DHPS: variants seen among roughly 807,000 people sequenced by gnomAD.
DHPS encodes migration-inducing gene 13.
In DHPS, 24 loss-of-function variants were observed where a neutral mutation model predicts 38.7. The ratio of observed to expected loss-of-function variants is 0.62; its 90% CI spans 0.45 to 0.87. The LOEUF is 0.87. DHPS is among the 40% of genes least tolerant of loss of function. DHPS has a pLI of 0.00. For missense variants in DHPS, 510 were observed against 497.6 expected, an observed-to-expected ratio of 1.02 and a Z score of -0.24; for synonymous variants, 250 against 204.4, an observed-to-expected ratio of 1.22 and a Z score of -1.90.
chr19:12,676,282 G>A, intron 7 of DHPS, 140 bp from the exon 8 acceptor site: 1 of 1,101,256 alleles, frequency 9.1e-7, no homozygotes, highest in South Asian at 1.7e-5. Context: ...TCCCAGACAG[G>A]GCCCATGTCA....
chr19:12,675,481 A>C, downstream of DHPS: 2 of 1,590,232 alleles, frequency 1.3e-6, no homozygotes, highest in Admixed American at 3.4e-5. Flanking sequence ...ACCAGGGTAC[A>C]GCCCAGCCAC....
Position 12,679,365 on chromosome 19 carries a change from A to AATAACAGT in DHPS, c.678+84_678+91dup, listed in dbSNP as rs985374421. 2.5e-6 allele frequency: 3 copies of AATAACAGT among 1,212,240 alleles called. No individual in the cohort carries two copies. In the African/African-American group the frequency reaches 4.5e-5, roughly 18 times the overall value. The allele number at this position is 1,212,240 out of a possible 1,614,324, so 75.1% of individuals were successfully genotyped here. A position where few individuals can be genotyped will look rare whatever the true frequency, so the allele number is the denominator to read the frequency against. On this transcript the variant is annotated intron_variant, in intron 5 of 8. Transcript: ENST00000210060. ...CTCATCTAAGAGTGAGGATGCTGAG[A>AATAACAGT]ATAACAGTACTGAATCCCCAGGAGG...
At position 12,675,874 on chromosome 19, in the gene DHPS, C is replaced by T. The variant is rs140233506; in HGVS notation, c.1074G>A (p.Lys358=). ...TCTTCTCATGCATGAAGGCATCCATCTTCTGGGCAAAGGTTTCAGCCACAA... is the reference window on the plus strand; with the variant it reads ...TCTTCTCATGCATGAAGGCATCCATTTTCTGGGCAAAGGTTTCAGCCACAA... ...PLLVAETFAQ[K]MDAFMHEKNE... is the part of the protein sequence containing the mutation. Residue 358 remains lysine (K), a synonymous_variant, in exon 9 of 9, where the codon AAG becomes AAA. Coordinates refer to ENST00000210060, the MANE Select transcript of DHPS (RefSeq NM_001930.4). 1.0e-3 allele frequency: 1,656 copies of T among 1,610,004 alleles called. 3 individuals are homozygous for T. Among genetic ancestry groups the T allele is most frequent in the Non-Finnish European group, 1.2e-3 (1,419 of 1,177,910 alleles).
At chr19:12,675,452 G>T (rs534315737), downstream of DHPS, 34 of 1,556,530 alleles carry the variant, frequency 2.2e-5, 1 homozygote, top group South Asian at 3.8e-4. Flanking sequence ...GAGATGGGGG[G>T]TGCCCAGGGA....
downstream of DHPS, chr19:12,675,400 C>G (rs550528491): frequency 1.3e-4 from 177 of 1,385,540 alleles, no homozygotes; most frequent in African/African-American, 2.4e-3. Context: ...AGGCAGGTGG[C>G]TGAAGGTCGG....
At chr19:12,681,324 C>A in intron 1 of DHPS, 1 of 1,098,750 alleles carries the variant, frequency 9.1e-7, no homozygotes, top group Non-Finnish European at 1.3e-6. Context: ...GCCCCCACAC[C>A]AAGAATCAGT....
chr19:12,680,967 G>A, intron 1 of DHPS: 1 of 307,324 alleles, frequency 3.3e-6, no homozygotes, highest in Non-Finnish European at 6.1e-6. Context: ...CCGAGTAGCT[G>A]GGACTACAGG....
downstream of DHPS, chr19:12,673,405 A>G: frequency 2.9e-6 from 1 of 342,320 alleles, no homozygotes; most frequent in Non-Finnish European, 5.6e-6. Flanking sequence ...CCTGAAGGCT[A>G]GGATCTTTTT....
chr19:12,676,407 C>A, intron 7 of DHPS: 1 of 459,268 alleles, frequency 2.2e-6, no homozygotes, highest in East Asian at 4.0e-5. Context: ...GCAACTCTAT[C>A]TTCAGAAGCC....
rs781070930 is a variant in DHPS, at chr19:12,675,811, G to C, written c.*27C>G. 66 of 1,575,222 alleles carry C rather than the reference G, an allele frequency of 4.2e-5. No homozygotes were observed. The highest frequency in any genetic ancestry group is 4.8e-5 in the Non-Finnish European group (56 of 1,158,592). Reference sequence around the variant, plus strand: ...TGCAAATTAATAAATAGAAGAGGGGGTAAGACCTTCCTGGGACCGCAGCCG... The same window carrying C: ...TGCAAATTAATAAATAGAAGAGGGGCTAAGACCTTCCTGGGACCGCAGCCG... On this transcript the variant is annotated 3_prime_UTR_variant, in exon 9 of 9. Transcript: ENST00000210060.
At position 12,677,092 on chromosome 19, in the gene DHPS, C is replaced by T. The variant is rs2024620878; in HGVS notation, c.888+16G>A. On this transcript the variant is annotated intron_variant, in intron 7 of 8. Transcript: ENST00000210060. ...AGCATGTCTGCAGAGTGGGCCGAAG[C>T]GCCACCCCCACTCACCATGAGGTTG... 2.5e-6 allele frequency: 4 copies of T among 1,610,448 alleles called. No individual in the cohort carries two copies. Among genetic ancestry groups the T allele is most frequent in the South Asian group, 1.1e-5 (1 of 91,002 alleles).
At chr19:12,677,268 C>T (rs377182954) in intron 6 of DHPS, 23 bp downstream of exon 6, 2 of 1,613,990 alleles carry the variant, frequency 1.2e-6, no homozygotes, top group Admixed American at 1.7e-5. Context: ...CTTCCCCTCT[C>T]CTCTGTGGCC....
rs765290894 is a variant in DHPS at position 12,676,075 on chromosome 19, G to T, written c.956C>A (p.Ala319Asp). 1 of 1,614,008 alleles carries T rather than the reference G, an allele frequency of 6.2e-7. No homozygotes were observed. Among genetic ancestry groups the T allele is most frequent in the Non-Finnish European group, 8.5e-7 (1 of 1,179,982 alleles). Reference protein sequence around the residue: ...AQEFDGSDSGARPDEAVSWGK... With the variant: ...AQEFDGSDSGDRPDEAVSWGK... ...CCAGGAGACAGCCTCGTCTGGTCGGGCACCTGAGTCAGAGCCATCAAACTC... is the reference window on the plus strand; with the variant it reads ...CCAGGAGACAGCCTCGTCTGGTCGGTCACCTGAGTCAGAGCCATCAAACTC... Residue 319 changes from alanine (A) to aspartate (D), a missense_variant, in exon 8 of 9, where the codon GCC (alanine) becomes GAC (aspartate). By Grantham distance (126) the Ala-to-Asp change is moderately radical (BLOSUM62 -2). Coordinates refer to ENST00000210060, the MANE Select transcript of DHPS (RefSeq NM_001930.4).
chr19:12,678,114 T>C (rs1389700252), intron 5 of DHPS, among the ~76,000 whole-genome samples: 1 of 150,522 alleles, frequency 6.6e-6, no homozygotes, highest in African/African-American at 2.4e-5. Flanking sequence ...TAGCCAGGGG[T>C]GGTGGCACAT....
chr19:12,675,683 C>T, downstream of DHPS: 2 of 1,599,496 alleles, frequency 1.3e-6, no homozygotes, highest in South Asian at 1.1e-5. Context: ...AGCCAGGGGA[C>T]CCACCAACAG....
downstream of DHPS, among the ~76,000 whole-genome samples, chr19:12,675,215 C>T (rs2024538045): frequency 6.6e-6 from 1 of 152,150 alleles, no homozygotes; most frequent in Non-Finnish European, 1.5e-5. Context: ...TCACTTGAGG[C>T]CAGGAGTTCG....
chr19:12,681,162 T>C, intron 1 of DHPS: 1 of 1,277,338 alleles, frequency 7.8e-7, no homozygotes, highest in Middle Eastern at 2.1e-4. Context: ...TCAGAGAGCA[T>C]CTCCTTTCAG....
rs1282932238 is a variant in DHPS at position 12,675,781 on chromosome 19, G to C, written c.*57C>G. 6.4e-7 allele frequency: 1 copy of C among 1,566,522 alleles called. No individual in the cohort carries two copies. Among genetic ancestry groups the C allele is most frequent in the Non-Finnish European group, 8.7e-7 (1 of 1,154,332 alleles). On this transcript the variant is annotated 3_prime_UTR_variant, in exon 9 of 9. Coordinates refer to ENST00000210060, the MANE Select transcript of DHPS (RefSeq NM_001930.4). ...CTGACCAAAAAGTAGGGGAGGGGCT[G>C]GGTCTGCAAATTAATAAATAGAAGA...
chr19:12,674,811 T>C (rs77581885), downstream of DHPS, among the ~76,000 whole-genome samples: 23 of 152,104 alleles, frequency 1.5e-4, no homozygotes, highest in East Asian at 3.9e-3. Context: ...TAGAGGAACA[T>C]GTGGTACAAG....
Sources: allele counts gnomAD v4.1 joint callset (sites outside exome capture counted in the v4.1 genomes callset), GRCh38; gene constraint gnomAD v4.1.1; transcripts MANE v1.5; gene names NCBI Gene and HGNC (gene_info 2026-07-23, HGNC 2026-07-21).